The following PLCB1 variants were observed in gnomAD, a reference collection of about 807,000 sequenced individuals.
PLCB1 encodes 1-phosphatidylinositol 4,5-bisphosphate phosphodiesterase beta-1.
In PLCB1, 46 loss-of-function variants were observed where a neutral mutation model predicts 161.8. The ratio of observed to expected loss-of-function variants is 0.28; its 90% CI spans 0.22 to 0.36. The LOEUF (loss-of-function observed/expected upper bound fraction) is 0.36, where lower values mean the gene tolerates loss of function less well. Among genes scored for constraint, PLCB1 ranks in the 10% least tolerant of loss-of-function variants. The probability of loss-of-function intolerance (pLI) is 1.00; values close to 1 mark genes in which losing one functional copy is unlikely to be tolerated. For missense variants in PLCB1, 1,016 were observed against 1,472.5 expected (o/e 0.69, Z 5.07); for synonymous variants, 517 against 503.7 (o/e 1.03, Z -0.35).
At chr20:8,736,233 G>A (rs6056049) in intron 19 of PLCB1, among the ~76,000 whole-genome samples, 99,805 of 152,086 alleles carry the variant, frequency 0.66, 33,965 homozygotes, top group East Asian at 0.81. Context: ...TATGACAGCT[G>A]GTGGATAGTT....
intron 23 of PLCB1, among the ~76,000 whole-genome samples, chr20:8,745,112 AT>A (rs1981101585): frequency 6.6e-6 from 1 of 152,000 alleles, no homozygotes; most frequent in African/African-American, 2.4e-5. Context: ...AGAAAATATG[AT>A]TTTTTTTCCT....
rs377427812 is a variant in PLCB1 at position 8,574,866 on chromosome 20, A to G, written c.247-53428A>G. The stretch of plus-strand genomic sequence containing the variant: ...GCTCTGGCCATGGAAAAATCACTTC[A>G]ACAGAAAAGATATAAAGGCTGATAG... On this transcript the variant is annotated intron_variant, in intron 3 of 31. Coordinates refer to ENST00000338037, the MANE Select transcript of PLCB1 (RefSeq NM_015192.4). Among the ~76,000 whole-genome samples the G allele has an allele frequency of 1.2e-3, 182 of 147,302 alleles. 2 individuals carry two copies. The highest frequency in any genetic ancestry group is 4.8e-3 in the African/African-American group (177 of 36,730).
chr20:8,807,239 T>C (rs1049294688), intron 31 of PLCB1, among the ~76,000 whole-genome samples: 1 of 152,176 alleles, frequency 6.6e-6, no homozygotes, highest in Non-Finnish European at 1.5e-5. Context: ...AGTAGTTGCA[T>C]AAATATCATG....
At chr20:8,809,270 A>G (rs191444297) in intron 31 of PLCB1, among the ~76,000 whole-genome samples, 1 of 152,216 alleles carries the variant, frequency 6.6e-6, no homozygotes, top group East Asian at 1.9e-4. Flanking sequence ...AGCCTCCCAA[A>G]GTGCTCGGAT....
intron 3 of PLCB1, among the ~76,000 whole-genome samples, chr20:8,585,049 C>A (rs1277171206): frequency 6.6e-6 from 1 of 152,148 alleles, no homozygotes; most frequent in Non-Finnish European, 1.5e-5. Flanking sequence ...ACTGCTTACC[C>A]TCAGAAGGGA....
intron 25 of PLCB1, among the ~76,000 whole-genome samples, chr20:8,764,349 A>G (rs963766): frequency 0.9 from 136,832 of 152,226 alleles, 62,251 homozygotes; most frequent in East Asian, 1. Context: ...TTTAGAAATG[A>G]TGTTGTAGAA....
chr20:8,200,004 T>G (rs1305935432), intron 2 of PLCB1, among the ~76,000 whole-genome samples: 1 of 152,128 alleles, frequency 6.6e-6, no homozygotes, highest in Non-Finnish European at 1.5e-5. Flanking sequence ...GCCAGGCAAT[T>G]ACCTTTAGAG....
At chr20:8,459,754 T>A (rs549044641) in intron 3 of PLCB1, among the ~76,000 whole-genome samples, 33 of 152,180 alleles carry the variant, frequency 2.2e-4, no homozygotes, top group Non-Finnish European at 3.2e-4. Context: ...TTCCCTTGCC[T>A]ATTGTATCCA....
At chr20:8,394,666 A>C (rs1482524864) in intron 3 of PLCB1, among the ~76,000 whole-genome samples, 1 of 152,134 alleles carries the variant, frequency 6.6e-6, no homozygotes, top group Non-Finnish European at 1.5e-5. Flanking sequence ...GGGATCTGTA[A>C]GTTGTAGTTA....
chr20:8,166,547 T>G (rs1290234790), intron 2 of PLCB1, among the ~76,000 whole-genome samples: 1 of 152,072 alleles, frequency 6.6e-6, no homozygotes, highest in African/African-American at 2.4e-5. Context: ...ATACATTGGC[T>G]CCCAATTTCA....
chr20:8,859,854 A>C (rs1987196569), intron 31 of PLCB1, among the ~76,000 whole-genome samples: 1 of 152,128 alleles, frequency 6.6e-6, no homozygotes, highest in South Asian at 2.1e-4. Context: ...AAAAGACATA[A>C]TATACTTTTC....
At chr20:8,539,401 T>C (rs1985182629) in intron 3 of PLCB1, among the ~76,000 whole-genome samples, 1 of 152,172 alleles carries the variant, frequency 6.6e-6, no homozygotes, top group South Asian at 2.1e-4. Flanking sequence ...TATTCATTCA[T>C]TCAAGGACAG....
intron 3 of PLCB1, among the ~76,000 whole-genome samples, chr20:8,605,696 A>G (rs2123156285): frequency 6.6e-6 from 1 of 150,636 alleles, no homozygotes; most frequent in East Asian, 2.0e-4. Context: ...TGTTACATGG[A>G]CAAGTTTCAT....
chr20:8,735,284 C>T (rs1980520768), intron 19 of PLCB1, among the ~76,000 whole-genome samples: 1 of 152,092 alleles, frequency 6.6e-6, no homozygotes, highest in Admixed American at 6.6e-5. Context: ...CCTACTGTGA[C>T]AGTAAGCAAT....
chr20:8,839,801 C>T (rs2143259), intron 31 of PLCB1, among the ~76,000 whole-genome samples: 48,228 of 150,392 alleles, frequency 0.32, 8,691 homozygotes, highest in East Asian at 0.63. Flanking sequence ...GAGGCCGAGG[C>T]AGGTGGATCA....
intron 31 of PLCB1, among the ~76,000 whole-genome samples, chr20:8,831,946 C>A (rs1212430112): frequency 1.0e-5 from 1 of 99,398 alleles, no homozygotes; most frequent in African/African-American, 3.7e-5. Flanking sequence ...TTCTTTCTTT[C>A]TTTCTTTCTT....
In PLCB1 at chr20:8,132,775, G is replaced by C. The variant is rs761011536; in HGVS notation, c.99+25G>C. 4 of 1,547,018 alleles carry C rather than the reference G, an allele frequency of 2.6e-6. No individual in the cohort carries two copies. Among genetic ancestry groups the C allele is most frequent in the African/African-American group, 2.7e-5 (2 of 73,548 alleles). On this transcript the variant is annotated intron_variant, in intron 1 of 31. Coordinates refer to ENST00000338037, the MANE Select transcript of PLCB1 (RefSeq NM_015192.4). This position sits in a 1 kb window ranked among gnomAD's most constrained non-coding sequence, Gnocchi z 5.2. ...TGTAAGTATTGGGGCGGCCCGAGTC[G>C]GGGCGCTGGCTCGGGCACCGGGCAG... is the stretch of plus-strand genomic sequence containing the variant.
intron 23 of PLCB1, among the ~76,000 whole-genome samples, chr20:8,755,420 A>T (rs918076264): frequency 6.6e-6 from 1 of 152,226 alleles, no homozygotes; most frequent in Non-Finnish European, 1.5e-5. Context: ...AAAGTAGAAC[A>T]TTGGGATAGC....
At chr20:8,481,282 G>GTT (rs1227606633) in intron 3 of PLCB1, among the ~76,000 whole-genome samples, 1 of 152,070 alleles carries the variant, frequency 6.6e-6, no homozygotes, top group Admixed American at 6.6e-5. Context: ...CCTTCTGATA[G>GTT]AACTGCTAAC....
Sources: allele counts gnomAD v4.1 joint callset (sites outside exome capture counted in the v4.1 genomes callset), GRCh38; gene constraint gnomAD v4.1.1; non-coding constraint Gnocchi (gnomAD v3.1); transcripts MANE v1.5; gene names NCBI Gene and HGNC (gene_info 2026-07-23, HGNC 2026-07-21).